Variants in RELL1 observed in about 807,000 individuals in gnomAD.
RELL1 encodes RELT like 1, also known as RELT-like protein 1.
In RELL1, 10 loss-of-function variants were observed where a neutral mutation model predicts 23.0. The ratio of observed to expected loss-of-function variants is 0.43; its 90% CI spans 0.27 to 0.74. The LOEUF is 0.74. RELL1 is among the 30% of genes least tolerant of loss of function. The pLI, the probability that RELL1 is intolerant of heterozygous loss-of-function variation, is 0.19. For missense variants in RELL1, 315 were observed against 364.4 expected (o/e 0.86, Z 1.10); for synonymous variants, 146 against 146.8 (o/e 0.99, Z 0.04).
chr4:37,634,165 T>G (rs1345967972), intron 5 of RELL1, among the ~76,000 whole-genome samples: 4 of 152,172 alleles, frequency 2.6e-5, no homozygotes, highest in African/African-American at 9.7e-5. Flanking sequence ...AACTGCAAGA[T>G]CTCCACCTCA....
chr4:37,617,296 T>G (rs1719607939), intron 6 of RELL1, among the ~76,000 whole-genome samples: 1 of 152,226 alleles, frequency 6.6e-6, no homozygotes, highest in African/African-American at 2.4e-5. Flanking sequence ...TATGAAGGTT[T>G]AAGCTTTTAG....
intron 1 of RELL1, among the ~76,000 whole-genome samples, chr4:37,650,197 T>C (rs1217605937): frequency 1.3e-5 from 2 of 152,170 alleles, no homozygotes; most frequent in Non-Finnish European, 2.9e-5. Context: ...CAGGCGGAGA[T>C]TTGTTGTCCT....
chr4:37,613,843 C>A (rs1318423676), intron 6 of RELL1, among the ~76,000 whole-genome samples: 1 of 152,232 alleles, frequency 6.6e-6, no homozygotes, highest in Non-Finnish European at 1.5e-5. Context: ...ACATCACAAA[C>A]AAAGGCCCAT....
At position 37,631,441 on chromosome 4, in the gene RELL1, T is replaced by G; in HGVS notation, c.763A>C (p.Asn255His). Reference protein sequence around the residue: ...LMSVSGAETVNGEVPATPVKR... With the variant: ...LMSVSGAETVHGEVPATPVKR... ...ACAGGTGTTGCCGGCACCTCCCCAT[T>G]GACGGTTTCAGCCCCACTAACAGAC... Residue 255 changes from asparagine to histidine, a missense_variant, in exon 6 of 7, where the codon AAT (asparagine) becomes CAT (histidine). Coordinates refer to ENST00000454158, the MANE Select transcript of RELL1 (RefSeq NM_001085400.2). 2 of 1,614,128 alleles carry G rather than the reference T, an allele frequency of 1.2e-6. No homozygotes were observed.
At chr4:37,637,061 A>C (rs1229582116) in intron 4 of RELL1, among the ~76,000 whole-genome samples, 1 of 152,234 alleles carries the variant, frequency 6.6e-6, no homozygotes, top group Non-Finnish European at 1.5e-5. Context: ...AACAACATTC[A>C]TTCAACAAGC....
intron 6 of RELL1, among the ~76,000 whole-genome samples, chr4:37,621,289 T>C (rs1008949392): frequency 1.3e-5 from 2 of 151,682 alleles, no homozygotes; most frequent in Admixed American, 6.6e-5. Context: ...ACCTCTTCTC[T>C]ACTAAAAATA....
downstream of RELL1, among the ~76,000 whole-genome samples, chr4:37,610,539 G>T (rs111770448): frequency 5.9e-3 from 894 of 152,192 alleles, 5 homozygotes; most frequent in African/African-American, 0.021. The surrounding 1 kb of genome is among the most constrained non-coding windows in gnomAD (Gnocchi z 4.1). Context: ...AAGAAATTCA[G>T]CACTGTAAAA....
intron 1 of RELL1, among the ~76,000 whole-genome samples, chr4:37,669,981 G>A (rs1169668500): frequency 6.7e-6 from 1 of 148,542 alleles, no homozygotes; most frequent in East Asian, 2.0e-4. Context: ...CTCCACTATT[G>A]TCCTGTGACC....
At chr4:37,652,944 C>T (rs1257979598) in intron 1 of RELL1, among the ~76,000 whole-genome samples, 4 of 152,042 alleles carry the variant, frequency 2.6e-5, no homozygotes, top group South Asian at 4.1e-4. Context: ...TCACCTTAGG[C>T]GAGTAATTTT....
At chr4:37,624,424 T>C (rs1043053307) in intron 6 of RELL1, among the ~76,000 whole-genome samples, 8 of 147,280 alleles carry the variant, frequency 5.4e-5, no homozygotes, top group African/African-American at 1.3e-4. Context: ...CTTTCTTTTT[T>C]TTTTTTTTTT....
rs138840740 is a variant in RELL1 at position 37,678,707 on chromosome 4, T to C, written c.88+7493A>G. On this transcript the variant is annotated intron_variant, in intron 1 of 6. Transcript: ENST00000454158. ...CCTAGGCAATAATAATAATACACTTTTTCATCACTTACTGTGTGCCAAGCA... is the reference window on the plus strand; with the variant it reads ...CCTAGGCAATAATAATAATACACTTCTTCATCACTTACTGTGTGCCAAGCA... Among the ~76,000 whole-genome samples, 469 of 152,350 alleles carry C rather than the reference T, an allele frequency of 3.1e-3. 2 individuals carry two copies. Among genetic ancestry groups the C allele is most frequent in the African/African-American group, 0.011 (453 of 41,582 alleles).
chr4:37,624,671 C>T (rs1249354001), intron 6 of RELL1, among the ~76,000 whole-genome samples: 4 of 151,938 alleles, frequency 2.6e-5, no homozygotes, highest in Non-Finnish European at 2.9e-5. Context: ...CCTCGTGATC[C>T]GCCCACCTCG....
At chr4:37,603,313 C>T (rs1441993818) in intron 6 of RELL1, among the ~76,000 whole-genome samples, 1 of 152,148 alleles carries the variant, frequency 6.6e-6, no homozygotes, top group Non-Finnish European at 1.5e-5. Flanking sequence ...TCCCAGCTGT[C>T]CTTTAGGTGT....
intron 4 of RELL1, among the ~76,000 whole-genome samples, chr4:37,636,251 G>C (rs2109265347): frequency 6.6e-6 from 1 of 152,226 alleles, no homozygotes; most frequent in South Asian, 2.1e-4. Context: ...AAACAGCAGA[G>C]ACCACTTTGA....
chr4:37,634,403 G>A (rs1720242579), intron 5 of RELL1, among the ~76,000 whole-genome samples: 1 of 152,208 alleles, frequency 6.6e-6, no homozygotes, highest in African/African-American at 2.4e-5. Context: ...TCCAGCCAGT[G>A]GAGTGTGAGT....
At chr4:37,635,214 A>C in intron 4 of RELL1, 91 bp from the exon 5 acceptor site, 1 of 1,040,336 alleles carries the variant, frequency 9.6e-7, no homozygotes, top group South Asian at 1.4e-5. Flanking sequence ...AAGCAGTTTA[A>C]ATTGAAAGAA....
At chr4:37,669,408 TG>T (rs1156435596) in intron 1 of RELL1, among the ~76,000 whole-genome samples, 3 of 99,842 alleles carry the variant, frequency 3.0e-5, no homozygotes, top group Admixed American at 9.9e-5. Context: ...GGGAGGGAGG[TG>T]GGGGGGTCAG....
chr4:37,659,730 G>A (rs1721252935), intron 1 of RELL1, among the ~76,000 whole-genome samples: 2 of 152,202 alleles, frequency 1.3e-5, no homozygotes, highest in African/African-American at 4.8e-5. Context: ...ACCTTCTGCA[G>A]CCTCATTCAC....
downstream of RELL1, chr4:37,590,333 A>C: frequency 1.2e-6 from 2 of 1,613,576 alleles, no homozygotes; most frequent in Non-Finnish European, 1.7e-6. Flanking sequence ...GGAGGGGAAC[A>C]CCATGCCTGC....
Sources: gnomAD v4.1 joint callset for allele counts (sites outside exome capture counted in the v4.1 genomes callset) on GRCh38, gnomAD v4.1.1 for gene constraint, Gnocchi (gnomAD v3.1) non-coding constraint, MANE v1.5 for transcripts, NCBI Gene and HGNC (gene_info 2026-07-23, HGNC 2026-07-21) for gene names.